The following LRP1B variants were observed in gnomAD, a reference collection of about 807,000 sequenced individuals.
The protein encoded by LRP1B is LDL receptor related protein 1B, also known as low-density lipoprotein receptor-related protein 1B.
Under a neutral mutation model 556.6 loss-of-function variants are expected in LRP1B, and 217 were observed. The ratio of observed to expected loss-of-function variants is 0.39; its 90% CI spans 0.35 to 0.44. LRP1B has a LOEUF of 0.44. Among genes scored for constraint, LRP1B ranks in the 20% least tolerant of loss-of-function variants. LRP1B has a pLI of 1.00. For synonymous variants in LRP1B, 2,047 were observed against 1,865.8 expected (o/e 1.10, Z -2.50); for missense variants, 5,053 against 5,620.8 (o/e 0.90, Z 3.23).
intron 3 of LRP1B, among the ~76,000 whole-genome samples, chr2:141,372,331 G>A (rs1196126453): frequency 6.6e-6 from 1 of 151,934 alleles, no homozygotes; most frequent in African/African-American, 2.4e-5. Flanking sequence ...CGGAGATATT[G>A]GTCTATGATT....
Position 141,276,596 on chromosome 2 carries a change from C to A in LRP1B, c.344-21955G>T, listed in dbSNP as rs1007541805. ...GTTTGCTTAGGATAATGGCCTCCAG[C>A]TCCATCCATGTTGATGCAAAGGATA... On this transcript the variant is annotated intron_variant, in intron 3 of 90. Coordinates refer to ENST00000389484, the MANE Select transcript of LRP1B (RefSeq NM_018557.3). 2.6e-5 allele frequency among the ~76,000 whole-genome samples: 4 copies of A among 151,684 alleles called. No homozygotes were observed. The South Asian group carries it at 8.3e-4, about 32-fold the overall frequency.
intron 6 of LRP1B, among the ~76,000 whole-genome samples, chr2:141,209,088 C>T (rs1375749480): frequency 2.0e-5 from 3 of 151,976 alleles, no homozygotes; most frequent in Non-Finnish European, 2.9e-5. Flanking sequence ...ACAGACACAG[C>T]ACTACAATAA....
chr2:141,154,948 C>A (rs1405918115), intron 7 of LRP1B, among the ~76,000 whole-genome samples: 1 of 151,740 alleles, frequency 6.6e-6, no homozygotes, highest in African/African-American at 2.4e-5. Flanking sequence ...CTAGGGCTCC[C>A]AGAATTAAAT....
chr2:140,234,129 A>G (rs1327539943), intron 90 of LRP1B, among the ~76,000 whole-genome samples: 2 of 151,306 alleles, frequency 1.3e-5, no homozygotes, highest in South Asian at 2.1e-4. Flanking sequence ...AGGAAACATT[A>G]TAATCTTTGA....
chr2:140,640,698 C>A (rs983985425), intron 41 of LRP1B, among the ~76,000 whole-genome samples: 2 of 151,944 alleles, frequency 1.3e-5, no homozygotes, highest in East Asian at 3.9e-4. Flanking sequence ...GTCCTATTTT[C>A]TTTTGCTTCA....
chr2:140,426,942 C>T (rs1165177862), intron 66 of LRP1B, among the ~76,000 whole-genome samples: 1 of 152,186 alleles, frequency 6.6e-6, no homozygotes, highest in Non-Finnish European at 1.5e-5. Context: ...TCACCAATTT[C>T]AAATCTGGAA....
At chr2:141,086,622 G>A (rs972776968) in intron 7 of LRP1B, among the ~76,000 whole-genome samples, 1 of 3,684 alleles carries the variant, frequency 2.7e-4, no homozygotes, top group South Asian at 0.029. Context: ...TAATATTTGT[G>A]TGTGTGTGTG....
Position 142,046,483 on chromosome 2 carries a change from G to A in LRP1B, c.82+84165C>T, listed in dbSNP as rs555977996. ...CATCAGGCCAACAAATTAGGCTGCA[G>A]CTTGGTAATCAACACTCTTTCTCCA... On this transcript the variant is annotated intron_variant, in intron 1 of 90. Coordinates refer to ENST00000389484, the MANE Select transcript of LRP1B (RefSeq NM_018557.3). Among the ~76,000 whole-genome samples the A allele has an allele frequency of 2.6e-5, 4 of 152,030 alleles. No individual in the cohort carries two copies. The South Asian group carries it at 8.3e-4, about 32-fold the overall frequency.
At chr2:140,876,387 T>C (rs139180587) in intron 25 of LRP1B, among the ~76,000 whole-genome samples, 124 of 152,332 alleles carry the variant, frequency 8.1e-4, no homozygotes, top group African/African-American at 3.0e-3. Context: ...TGTTAGCTTA[T>C]GGCAATACAG....
intron 2 of LRP1B, among the ~76,000 whole-genome samples, chr2:141,502,648 G>A (rs1272216231): frequency 1.3e-5 from 2 of 151,652 alleles, no homozygotes; most frequent in Non-Finnish European, 2.9e-5. Flanking sequence ...ATCACGAGGT[G>A]AAGAGATCGA....
At chr2:141,708,599 A>G (rs1033842031) in intron 2 of LRP1B, among the ~76,000 whole-genome samples, 20 of 152,232 alleles carry the variant, frequency 1.3e-4, no homozygotes, top group African/African-American at 4.1e-4. Context: ...AATATTCTAT[A>G]CTGCTTTTTC....
At chr2:140,262,058 G>A (rs892820581) in intron 86 of LRP1B, among the ~76,000 whole-genome samples, 8 of 151,654 alleles carry the variant, frequency 5.3e-5, no homozygotes, top group Non-Finnish European at 1.2e-4. Flanking sequence ...TTTCTCAGAA[G>A]AATTACTATT....
chr2:141,299,022 A>G (rs1458028022), intron 3 of LRP1B, among the ~76,000 whole-genome samples: 1 of 151,842 alleles, frequency 6.6e-6, no homozygotes, highest in Non-Finnish European at 1.5e-5. Flanking sequence ...ACCTTGCAGT[A>G]TGTTCTGTCA....
intron 18 of LRP1B, among the ~76,000 whole-genome samples, chr2:140,970,712 ACCTTTTTT>A (rs1696386934): frequency 7.9e-6 from 1 of 126,410 alleles, no homozygotes; most frequent in Non-Finnish European, 1.6e-5. Flanking sequence ...TAATTTTTTA[ACCTTTTTT>A]TTTTTTTTTT....
At chr2:141,623,779 AG>A (rs1303793097) in intron 2 of LRP1B, among the ~76,000 whole-genome samples, 1 of 151,800 alleles carries the variant, frequency 6.6e-6, no homozygotes, top group Admixed American at 6.6e-5. Flanking sequence ...CATTTTGGGA[AG>A]CCGAGATGGG....
Position 140,843,055 on chromosome 2 carries a change from GGTTTTTTTTTTGTTTTTTTTTTTTTGTTT to G in LRP1B, c.4940-1992_4940-1964del, listed in dbSNP as rs1355683353. 5.1e-3 allele frequency among the ~76,000 whole-genome samples: 411 copies of G among 80,702 alleles called. 4 individuals are homozygous for G. The highest frequency in any genetic ancestry group is 0.018 in the African/African-American group (389 of 21,794). The allele number at this position is 80,702 out of a possible 152,430, so 52.9% of individuals were successfully genotyped here. A position where few individuals can be genotyped will look rare whatever the true frequency, so the allele number is the denominator to read the frequency against. ...CCCTAAAATACATGTTCTCCAAAGTGGTTTTTTTTTTGTTTTTTTTTTTTTGTTTGTTTTTTTTTTTTTTGTTTTTTTTT... is the reference window on the plus strand; with the variant it reads ...CCCTAAAATACATGTTCTCCAAAGTGGTTTTTTTTTTTTTTGTTTTTTTTT... On this transcript the variant is annotated intron_variant, in intron 29 of 90. Transcript: ENST00000389484.
intron 2 of LRP1B, among the ~76,000 whole-genome samples, chr2:141,560,449 C>T (rs991963636): frequency 6.6e-5 from 10 of 151,640 alleles, no homozygotes; most frequent in African/African-American, 9.7e-5. Context: ...ATCCTGTAGA[C>T]GTTGCATTTT....
At chr2:141,938,019 G>A (rs1700687816) in intron 1 of LRP1B, among the ~76,000 whole-genome samples, 1 of 151,880 alleles carries the variant, frequency 6.6e-6, no homozygotes. Flanking sequence ...CGGGTTTTAT[G>A]TCTATGATCT....
At chr2:142,066,578 C>T (rs996429618) in intron 1 of LRP1B, among the ~76,000 whole-genome samples, 1 of 151,452 alleles carries the variant, frequency 6.6e-6, no homozygotes, top group Non-Finnish European at 1.5e-5. Context: ...AGTCTACTTA[C>T]AAGGACTTAG....
Sources: gnomAD v4.1 joint callset for allele counts (sites outside exome capture counted in the v4.1 genomes callset) on GRCh38, gnomAD v4.1.1 for gene constraint, MANE v1.5 for transcripts, NCBI Gene and HGNC (gene_info 2026-07-23, HGNC 2026-07-21) for gene names.